SLC25A13: variants seen among roughly 807,000 people sequenced by gnomAD.
The protein encoded by SLC25A13 is solute carrier family 25 member 13, also known as electrogenic aspartate/glutamate antiporter SLC25A13, mitochondrial.
A neutral mutation model predicts 85.5 loss-of-function variants in SLC25A13; 70 were observed. The ratio of observed to expected loss-of-function variants is 0.82; its 90% CI spans 0.68 to 1.00. SLC25A13 has a LOEUF of 1.00. Ranked by LOEUF, SLC25A13 falls within the 50% of genes least tolerant of loss-of-function variation. The pLI, the probability that SLC25A13 is intolerant of heterozygous loss-of-function variation, is 0.00. For missense variants in SLC25A13, 765 were observed against 819.8 expected (o/e 0.93, Z 0.82); for synonymous variants, 259 against 288.7 (o/e 0.90, Z 1.04).
intron 5 of SLC25A13, among the ~76,000 whole-genome samples, chr7:96,206,962 C>A (rs1156572246): frequency 9.9e-5 from 15 of 152,156 alleles, no homozygotes; most frequent in Admixed American, 9.8e-4. Context: ...TCCATAAAGT[C>A]AATTTGAGGC....
chr7:96,317,801 C>CT lies in SLC25A13; in HGVS notation c.15+4140dup, dbSNP rs1413397734. ...TATTTTATTTTATTATTTTATTTTA[C>CT]TTTATTTTATTTTTTTTTGAGACAG... On this transcript the variant is annotated intron_variant, in intron 1 of 17. Coordinates refer to ENST00000265631, the MANE Select transcript of SLC25A13 (RefSeq NM_014251.3). Among the ~76,000 whole-genome samples the CT allele has an allele frequency of 2.0e-3, 236 of 118,670 alleles. 1 individual carries two copies. The highest frequency in any genetic ancestry group is 3.4e-3 in the Non-Finnish European group (188 of 54,712). The allele number at this position is 118,670 out of a possible 152,430, so 77.9% of individuals were successfully genotyped here. A position where few individuals can be genotyped will look rare whatever the true frequency, so the allele number is the denominator to read the frequency against.
At chr7:96,122,041 A>G (rs1791535547) in intron 15 of SLC25A13, 44 bp from the exon 16 acceptor site, 1 of 1,610,622 alleles carries the variant, frequency 6.2e-7, no homozygotes, top group Admixed American at 1.7e-5. Context: ...TCACATTCTC[A>G]CTATATAAAA....
intron 15 of SLC25A13, among the ~76,000 whole-genome samples, chr7:96,122,592 G>A (rs1030345354): frequency 6.6e-6 from 1 of 152,034 alleles, no homozygotes; most frequent in African/African-American, 2.4e-5. Flanking sequence ...TCGGGGAGGG[G>A]GTGAAATTGG....
intron 4 of SLC25A13, among the ~76,000 whole-genome samples, chr7:96,218,873 G>A (rs1166522652): frequency 6.6e-6 from 1 of 152,200 alleles, no homozygotes; most frequent in Non-Finnish European, 1.5e-5. Context: ...CTCAAAGAAA[G>A]TTGTGGTTTT....
chr7:96,121,437 A>G, intron 17 of SLC25A13, 60 bp from the exon 18 acceptor site: 1 of 1,575,924 alleles, frequency 6.3e-7, no homozygotes, highest in Non-Finnish European at 8.7e-7. Flanking sequence ...ACTTGATAAA[A>G]ATAACATTCA....
chr7:96,168,127 A>AAG (rs1793844315), intron 13 of SLC25A13, among the ~76,000 whole-genome samples: 1 of 146,016 alleles, frequency 6.8e-6, no homozygotes, highest in Non-Finnish European at 1.5e-5. Context: ...AAAAAAAAAA[A>AAG]AAGCACGTGT....
At chr7:96,321,305 C>T (rs554071442) in intron 1 of SLC25A13, among the ~76,000 whole-genome samples, 111 of 152,274 alleles carry the variant, frequency 7.3e-4, no homozygotes, top group African/African-American at 1.8e-3. Context: ...CTCAAATGCT[C>T]CGAGGCGGGT....
chr7:96,256,885 C>A (rs1273793875), intron 3 of SLC25A13, among the ~76,000 whole-genome samples: 1 of 152,186 alleles, frequency 6.6e-6, no homozygotes, highest in Non-Finnish European at 1.5e-5. Flanking sequence ...ACAGTGCAAT[C>A]AAAGTAGAAC....
At chr7:96,177,497 G>C (rs758037644) in intron 11 of SLC25A13, among the ~76,000 whole-genome samples, 2 of 152,180 alleles carry the variant, frequency 1.3e-5, no homozygotes, top group Non-Finnish European at 1.5e-5. Context: ...CTTCAATTCT[G>C]ACTTTGCTAT....
chr7:96,217,326 G>A (rs926038053), intron 4 of SLC25A13, among the ~76,000 whole-genome samples: 1 of 152,186 alleles, frequency 6.6e-6, no homozygotes, highest in African/African-American at 2.4e-5. Flanking sequence ...CAGTCTGGCA[G>A]TTCCTCAAAA....
chr7:96,234,917 T>A lies in SLC25A13; in HGVS notation c.213A>T (p.Gly71=). 1 of 1,610,140 alleles carries A rather than the reference T, an allele frequency of 6.2e-7. No homozygotes were observed. Among genetic ancestry groups the A allele is most frequent in the Middle Eastern group, 1.7e-4 (1 of 6,052 alleles). The change falls in exon 4 of 18, where the codon GGA becomes GGT. Residue 71 remains glycine, a splice_region_variant and synonymous_variant. Coordinates refer to ENST00000265631, the MANE Select transcript of SLC25A13 (RefSeq NM_014251.3). ...LSGVVDQTKD[G]LISFQEFVAF... ...CAACAAATTCTTGAAAAGATATTAA[T>A]CTGCAACATAAAACAAACATAAAGC...
chr7:96,143,043 C>T (rs1792631547), intron 14 of SLC25A13, among the ~76,000 whole-genome samples: 1 of 152,162 alleles, frequency 6.6e-6, no homozygotes, highest in African/African-American at 2.4e-5. Context: ...AAGGTAGAAT[C>T]AAGGTTTAAT....
chr7:96,173,472 G>A (rs150158629), intron 11 of SLC25A13, among the ~76,000 whole-genome samples: 18 of 152,280 alleles, frequency 1.2e-4, no homozygotes, highest in Admixed American at 1.0e-3. Context: ...GTGTTAATGT[G>A]CAAATGTGTA....
chr7:96,193,761 C>A (rs550004609), intron 5 of SLC25A13, among the ~76,000 whole-genome samples: 2 of 152,136 alleles, frequency 1.3e-5, no homozygotes, highest in South Asian at 2.1e-4. Flanking sequence ...CTATTCTCTT[C>A]CCACTAGATA....
At chr7:96,196,229 T>C (rs1246914828) in intron 5 of SLC25A13, among the ~76,000 whole-genome samples, 6 of 152,208 alleles carry the variant, frequency 3.9e-5, no homozygotes, top group Non-Finnish European at 5.9e-5. Flanking sequence ...GCGTATTCAA[T>C]TGAAAGTAAA....
At chr7:96,202,187 C>T (rs893234258) in intron 5 of SLC25A13, among the ~76,000 whole-genome samples, 2 of 152,162 alleles carry the variant, frequency 1.3e-5, no homozygotes, top group South Asian at 2.1e-4. Context: ...CAGGTTATCA[C>T]GGGACTCGTG....
intron 3 of SLC25A13, among the ~76,000 whole-genome samples, chr7:96,259,359 T>C (rs1047942490): frequency 5.3e-5 from 8 of 151,984 alleles, no homozygotes; most frequent in Non-Finnish European, 1.2e-4. Flanking sequence ...CTTAAATATA[T>C]TTACAAGATA....
intron 1 of SLC25A13, among the ~76,000 whole-genome samples, chr7:96,304,766 G>T (rs937783903): frequency 2.0e-5 from 3 of 152,118 alleles, no homozygotes; most frequent in Admixed American, 1.3e-4. Context: ...ATCACCTATG[G>T]GAAAGCTGCA....
chr7:96,151,428 T>C (rs1793039904), intron 13 of SLC25A13, among the ~76,000 whole-genome samples: 1 of 151,266 alleles, frequency 6.6e-6, no homozygotes, highest in Admixed American at 6.6e-5. Flanking sequence ...TGAAACTCCA[T>C]CTCTACTAAA....
Sources: gnomAD v4.1 joint callset for allele counts (sites outside exome capture counted in the v4.1 genomes callset) on GRCh38, gnomAD v4.1.1 for gene constraint, MANE v1.5 for transcripts, NCBI Gene and HGNC (gene_info 2026-07-23, HGNC 2026-07-21) for gene names.